The following GFRA2 variants were observed in gnomAD, a reference collection of about 807,000 sequenced individuals.
The protein encoded by GFRA2 is GDNF family receptor alpha 2.
Under a neutral mutation model 48.3 loss-of-function variants are expected in GFRA2, and 17 were observed. The observed-to-expected ratio is 0.35, with a 90% CI of 0.24 to 0.53. The LOEUF is 0.53. Ranked by LOEUF, GFRA2 falls within the 20% of genes least tolerant of loss-of-function variation. The pLI, the probability that GFRA2 is intolerant of heterozygous loss-of-function variation, is 0.93. For synonymous variants in GFRA2, 305 were observed against 257.2 expected (o/e 1.19, Z -1.78); for missense variants, 660 against 637.3 (o/e 1.04, Z -0.38).
intron 3 of GFRA2, among the ~76,000 whole-genome samples, chr8:21,769,593 G>A (rs1304384896): frequency 2.0e-5 from 3 of 152,152 alleles, no homozygotes; most frequent in Non-Finnish European, 2.9e-5. Flanking sequence ...AGGACTAGCC[G>A]GCCTCAAAGT....
chr8:21,714,456 T>A (rs1054220134), intron 4 of GFRA2, among the ~76,000 whole-genome samples: 1 of 151,880 alleles, frequency 6.6e-6, no homozygotes, highest in African/African-American at 2.4e-5. Flanking sequence ...TTCGCCATGT[T>A]GCCCAGGGGG....
At chr8:21,759,485 AGAAGGAAG>A (rs1161834899) in intron 3 of GFRA2, among the ~76,000 whole-genome samples, 1,775 of 71,674 alleles carry the variant, frequency 0.025, 25 homozygotes, top group Middle Eastern at 0.031. Context: ...AAAGAAGGAA[AGAAGGAAG>A]GAAGGAAGGA....
At chr8:21,796,996 G>C (rs1160339405) in intron 2 of GFRA2, among the ~76,000 whole-genome samples, 1 of 152,150 alleles carries the variant, frequency 6.6e-6, no homozygotes, top group Non-Finnish European at 1.5e-5. Context: ...GTATAGTCCA[G>C]GCATCAAGTG....
At chr8:21,802,443 C>A (rs999283108) in intron 2 of GFRA2, among the ~76,000 whole-genome samples, 13 of 152,154 alleles carry the variant, frequency 8.5e-5, no homozygotes, top group Admixed American at 7.9e-4. Flanking sequence ...TAGCCTTGAC[C>A]TCCCAGGCTC....
chr8:21,790,958 T>TC (rs1272997246), upstream of GFRA2, among the ~76,000 whole-genome samples: 1 of 151,896 alleles, frequency 6.6e-6, no homozygotes, highest in Non-Finnish European at 1.5e-5. Flanking sequence ...TAAATGAATG[T>TC]CCCCCCTCTC....
intron 2 of GFRA2, among the ~76,000 whole-genome samples, chr8:21,778,140 A>G (rs933480729): frequency 6.6e-6 from 1 of 152,098 alleles, no homozygotes; most frequent in Non-Finnish European, 1.5e-5. Context: ...TCCTACACAC[A>G]TCGCTCCTCT....
chr8:21,807,382 T>G (rs1326457481), intron 1 of GFRA2, among the ~76,000 whole-genome samples: 1 of 152,196 alleles, frequency 6.6e-6, no homozygotes, highest in Non-Finnish European at 1.5e-5. Flanking sequence ...AGCACCATGC[T>G]CTTGTATTGC....
intron 2 of GFRA2, among the ~76,000 whole-genome samples, chr8:21,775,804 G>A (rs1323510709): frequency 6.6e-6 from 1 of 151,996 alleles, no homozygotes; most frequent in Non-Finnish European, 1.5e-5. Flanking sequence ...GAGGCTTTGG[G>A]TGCCTTGGGG....
intron 4 of GFRA2, among the ~76,000 whole-genome samples, chr8:21,717,660 C>T (rs1157702995): frequency 6.6e-6 from 1 of 152,186 alleles, no homozygotes; most frequent in Non-Finnish European, 1.5e-5. Flanking sequence ...GCAAATTCAA[C>T]TGACTGTCTA....
chr8:21,781,847 G>A (rs1328053842), intron 2 of GFRA2, among the ~76,000 whole-genome samples: 1 of 152,176 alleles, frequency 6.6e-6, no homozygotes, highest in Non-Finnish European at 1.5e-5. Context: ...GAGGGGGAGG[G>A]GATGTGAAGG....
chr8:21,728,791 G>A (rs1233615143), intron 4 of GFRA2, among the ~76,000 whole-genome samples: 1 of 152,222 alleles, frequency 6.6e-6, no homozygotes, highest in Non-Finnish European at 1.5e-5. Context: ...AATTCTAAGA[G>A]TGGGGACCTC....
At chr8:21,701,166 G>A (rs547139131) in intron 7 of GFRA2, among the ~76,000 whole-genome samples, 3 of 152,216 alleles carry the variant, frequency 2.0e-5, no homozygotes, top group East Asian at 1.9e-4. Context: ...AGGCCGAGGC[G>A]GGTGGATCAC....
At chr8:21,794,868 G>A (rs796111942) in intron 2 of GFRA2, among the ~76,000 whole-genome samples, 107 of 152,322 alleles carry the variant, frequency 7.0e-4, no homozygotes, top group African/African-American at 2.5e-3. Flanking sequence ...GAATGAACAG[G>A]GCTGCTGGGG....
At chr8:21,730,857 A>G (rs545340055) in intron 4 of GFRA2, among the ~76,000 whole-genome samples, 14 of 152,264 alleles carry the variant, frequency 9.2e-5, no homozygotes, top group African/African-American at 3.4e-4. Flanking sequence ...AAGGTAAATC[A>G]TAGTGTAGGA....
Position 21,766,956 on chromosome 8 carries a change from C to T in GFRA2, c.439+8016G>A, listed in dbSNP as rs920612179. 4.8e-5 allele frequency among the ~76,000 whole-genome samples: 7 copies of T among 145,678 alleles called. 1 individual carries two copies. The South Asian group carries it at 1.6e-3, about 33-fold the overall frequency. On this transcript the variant is annotated intron_variant, in intron 3 of 8. Transcript: ENST00000524240. Reference sequence around the variant, plus strand: ...ACACCTACACACACTCCACCACCGACACACATACATTACCTCATACACTTA... The same window carrying T: ...ACACCTACACACACTCCACCACCGATACACATACATTACCTCATACACTTA...
At chr8:21,710,456 C>T (rs186992696) in intron 4 of GFRA2, among the ~76,000 whole-genome samples, 12 of 152,094 alleles carry the variant, frequency 7.9e-5, no homozygotes, top group Admixed American at 4.6e-4. Flanking sequence ...GGCAAGTGAG[C>T]GCATCAAGGA....
At chr8:21,775,330 C>T (rs1806641996) in intron 2 of GFRA2, among the ~76,000 whole-genome samples, 1 of 152,204 alleles carries the variant, frequency 6.6e-6, no homozygotes, top group Admixed American at 6.5e-5. Flanking sequence ...TCTCTCGTGA[C>T]CACCCTGCAT....
rs375657819 is a variant in GFRA2 at position 21,752,332 on chromosome 8, T to C, written c.440-1390A>G. Among the ~76,000 whole-genome samples, 22 of 152,238 alleles carry C rather than the reference T, an allele frequency of 1.4e-4. 1 individual carries two copies. The highest frequency in any genetic ancestry group is 1.0e-3 in the South Asian group (5 of 4,816). ...TCTTAGACCTGCTTCAGCCTGGTGT[T>C]TGGCCCCACCTGTCTGATGGATGCT... On this transcript the variant is annotated intron_variant, in intron 3 of 8. Coordinates refer to ENST00000524240, the MANE Select transcript of GFRA2 (RefSeq NM_001495.5).
At chr8:21,695,006 A>C (rs576937102) in intron 7 of GFRA2, among the ~76,000 whole-genome samples, 1 of 152,330 alleles carries the variant, frequency 6.6e-6, no homozygotes, top group South Asian at 2.1e-4. Flanking sequence ...TCTATATAAA[A>C]AGATCATGAG....
Sources: gnomAD v4.1 joint callset for allele counts (sites outside exome capture counted in the v4.1 genomes callset) on GRCh38, gnomAD v4.1.1 for gene constraint, MANE v1.5 for transcripts, NCBI Gene and HGNC (gene_info 2026-07-23, HGNC 2026-07-21) for gene names.